Variants in CFAP47 observed in about 807,000 individuals in gnomAD.
CFAP47 encodes cilia and flagella associated protein 47, also known as cilia- and flagella-associated protein 47.
In CFAP47, 29 loss-of-function variants were observed where a neutral mutation model predicts 148.1. That is an observed-to-expected ratio of 0.20 (90% CI 0.15 to 0.27). The LOEUF is 0.27. Ranked by LOEUF, CFAP47 falls within the 10% of genes least tolerant of loss-of-function variation. CFAP47 has a pLI of 1.00. For synonymous variants in CFAP47, 664 were observed against 577.3 expected, an observed-to-expected ratio of 1.15 and a Z score of -2.15; for missense variants, 1,872 against 1,697.5, an observed-to-expected ratio of 1.10 and a Z score of -1.81.
At chrX:35,928,659 A>G (rs950957226) in intron 2 of CFAP47, among the ~76,000 whole-genome samples, 6 of 110,494 alleles carry the variant, frequency 5.4e-5, no homozygotes, top group Admixed American at 1.9e-4. Context: ...TTTTTTTTAA[A>G]CGTTCAATGA....
chrX:36,298,457 C>T (rs1479166264), intron 51 of CFAP47, among the ~76,000 whole-genome samples: 4 of 104,661 alleles, frequency 3.8e-5, no homozygotes, highest in Non-Finnish European at 7.8e-5. Context: ...ATACCTAATG[C>T]TAGATGACGA....
At chrX:35,944,748 A>G (rs1032987990) in intron 3 of CFAP47, among the ~76,000 whole-genome samples, 1 of 111,710 alleles carries the variant, frequency 9.0e-6, no homozygotes, top group Non-Finnish European at 1.9e-5. Flanking sequence ...ATACTGCACC[A>G]CTTAGTGTCT....
intron 56 of CFAP47, among the ~76,000 whole-genome samples, chrX:36,314,880 C>T (rs1340291143): frequency 1.1e-4 from 12 of 111,205 alleles, no homozygotes; most frequent in African/African-American, 2.3e-4. Context: ...GCATTTTGAA[C>T]GCTAACTGTA....
At chrX:36,113,188 C>T (rs1405509077) in intron 33 of CFAP47, among the ~76,000 whole-genome samples, 1 of 112,053 alleles carries the variant, frequency 8.9e-6, no homozygotes, top group African/African-American at 3.2e-5. Context: ...TATAGTGTCA[C>T]TGGTCTGTGT....
At chrX:36,381,902 T>C (rs1409961619) in intron 63 of CFAP47, among the ~76,000 whole-genome samples, 1 of 110,594 alleles carries the variant, frequency 9.0e-6, no homozygotes, top group Non-Finnish European at 1.9e-5. Context: ...AGTAATATAG[T>C]ATTCATATAA....
chrX:36,090,076 A>T (rs1212967091), intron 30 of CFAP47, among the ~76,000 whole-genome samples: 1 of 112,051 alleles, frequency 8.9e-6, no homozygotes, highest in Non-Finnish European at 1.9e-5. Context: ...TGTCTTGTTG[A>T]CATAAAAATG....
At chrX:36,064,278 A>T (rs149390999) in intron 26 of CFAP47, among the ~76,000 whole-genome samples, 1 of 111,859 alleles carries the variant, frequency 8.9e-6, no homozygotes, top group African/African-American at 3.2e-5. Context: ...CATATGGTAA[A>T]AATTACATAT....
intron 25 of CFAP47, among the ~76,000 whole-genome samples, chrX:36,039,418 A>G (rs1188754420): frequency 8.9e-6 from 1 of 112,466 alleles, no homozygotes; most frequent in Non-Finnish European, 1.9e-5. Flanking sequence ...TGAAGTAATA[A>G]GCAAGCCTAA....
chrX:36,277,746 T>C (rs1317137292), intron 49 of CFAP47, among the ~76,000 whole-genome samples: 1 of 112,014 alleles, frequency 8.9e-6, no homozygotes, highest in African/African-American at 3.3e-5. Flanking sequence ...CAAATAATAT[T>C]ACATTAGCCA....
chrX:36,094,473 C>A lies in CFAP47; in HGVS notation c.4917-4320C>A, dbSNP rs568870754. Among the ~76,000 whole-genome samples, 3 of 111,085 alleles carry A rather than the reference C, an allele frequency of 2.7e-5. No homozygotes were observed. In the South Asian group the frequency reaches 1.1e-3, roughly 42 times the overall value. Reference sequence around the variant, plus strand: ...AAATTGCTTTGGGTAGCATAGACATCTTAATAATAATGATAATTCCAATTC... The same window carrying A: ...AAATTGCTTTGGGTAGCATAGACATATTAATAATAATGATAATTCCAATTC... On this transcript the variant is annotated intron_variant, in intron 30 of 63. Coordinates refer to ENST00000378653, the MANE Select transcript of CFAP47 (RefSeq NM_001304548.2).
intron 2 of CFAP47, among the ~76,000 whole-genome samples, chrX:35,938,489 G>C (rs1373951115): frequency 9.1e-6 from 1 of 110,480 alleles, no homozygotes; most frequent in Non-Finnish European, 1.9e-5. Flanking sequence ...ATCAAACTAA[G>C]TTTGACGAGT....
intron 57 of CFAP47, among the ~76,000 whole-genome samples, chrX:36,326,719 A>C (rs1941520926): frequency 8.9e-6 from 1 of 112,040 alleles, no homozygotes; most frequent in Admixed American, 9.5e-5. Context: ...AAAGTGTTCA[A>C]GATGTGACCT....
rs371871264 is a variant in CFAP47 at position 36,027,755 on chromosome X, C to T, written c.3557-3498C>T. ...CCACACTATTTCCATAAATGTTGTA[C>T]TAACTTATATTCCCATCAACAGTAT... On this transcript the variant is annotated intron_variant, in intron 22 of 63. Coordinates refer to ENST00000378653, the MANE Select transcript of CFAP47 (RefSeq NM_001304548.2). 4.5e-5 allele frequency among the ~76,000 whole-genome samples: 5 copies of T among 111,768 alleles called. No homozygotes were observed. In the East Asian group the frequency reaches 1.4e-3, roughly 32 times the overall value.
chrX:36,306,882 A>G lies in CFAP47; in HGVS notation c.8187+6A>G, dbSNP rs1556008953. On this transcript the variant is annotated splice_donor_region_variant and intron_variant, in intron 55 of 63. Transcript: ENST00000378653. ...TCAACTTCTACTGTACTCAGGTATGATAGAGTATTCTTGGACCAAACCAAG... is the reference window on the plus strand; with the variant it reads ...TCAACTTCTACTGTACTCAGGTATGGTAGAGTATTCTTGGACCAAACCAAG... 2.0e-6 allele frequency: 2 copies of G among 1,003,073 alleles called. No individual in the cohort carries two copies. The highest frequency in any genetic ancestry group is 1.3e-6 in the Non-Finnish European group (1 of 746,163). The allele number at this position is 1,003,073 out of a possible 1,213,427, so 82.7% of individuals were successfully genotyped here. A position where few individuals can be genotyped will look rare whatever the true frequency, so the allele number is the denominator to read the frequency against.
rs1905608873 is a variant in CFAP47, at chrX:36,162,747, A to G, written c.6026+1978A>G. The stretch of plus-strand genomic sequence containing the variant: ...GATTCTCAAATTCTTCTTTTGCAGA[A>G]CACCACTATTTCATGCTCTATAATG... On this transcript the variant is annotated intron_variant, in intron 39 of 63. Coordinates refer to ENST00000378653, the MANE Select transcript of CFAP47 (RefSeq NM_001304548.2). 2.7e-5 allele frequency among the ~76,000 whole-genome samples: 3 copies of G among 111,557 alleles called. 1 individual carries two copies. The South Asian group carries it at 1.1e-3, about 41-fold the overall frequency.
chrX:36,057,095 G>GT lies in CFAP47; in HGVS notation c.4218-8538dup, dbSNP rs1244052623. Among the ~76,000 whole-genome samples the GT allele has an allele frequency of 9.4e-4, 102 of 108,698 alleles. 2 individuals carry two copies. Among genetic ancestry groups the GT allele is most frequent in the South Asian group, 3.9e-3 (10 of 2,585 alleles). The allele number at this position is 108,698 out of a possible 115,157, so 94.4% of individuals were successfully genotyped here. A position where few individuals can be genotyped will look rare whatever the true frequency, so the allele number is the denominator to read the frequency against. ...AGGATCCCCACTGATGTCTAAAGTA[G>GT]TTTTTTTTTTCCAGTAGCTCAAATG... On this transcript the variant is annotated intron_variant, in intron 26 of 63. Coordinates refer to ENST00000378653, the MANE Select transcript of CFAP47 (RefSeq NM_001304548.2).
intron 45 of CFAP47, among the ~76,000 whole-genome samples, chrX:36,208,235 AT>A (rs1417850026): frequency 8.9e-6 from 1 of 111,934 alleles, no homozygotes; most frequent in Non-Finnish European, 1.9e-5. Context: ...GGTGGCTGAA[AT>A]ACCAGTAAAT....
At chrX:36,285,753 C>T (rs1556004445) in intron 51 of CFAP47, 27 bp downstream of exon 51, 3 of 1,100,940 alleles carry the variant, frequency 2.7e-6, no homozygotes, top group African/African-American at 3.7e-5. Flanking sequence ...TGTTCATAGA[C>T]TCTGTCATTT....
chrX:36,125,503 T>C (rs1480103144), intron 33 of CFAP47, among the ~76,000 whole-genome samples: 1 of 112,116 alleles, frequency 8.9e-6, no homozygotes, highest in African/African-American at 3.2e-5. Flanking sequence ...AAAAGAATTA[T>C]AAATATTACA....
Sources: gnomAD v4.1 joint callset for allele counts (sites outside exome capture counted in the v4.1 genomes callset) on GRCh38, gnomAD v4.1.1 for gene constraint, MANE v1.5 for transcripts, NCBI Gene and HGNC (gene_info 2026-07-23, HGNC 2026-07-21) for gene names.